Variants in PCGF6 observed in about 807,000 individuals in gnomAD.
PCGF6 encodes polycomb group RING finger protein 6.
PCGF6 carries 24 observed loss-of-function variants against 45.5 expected under a neutral mutation model. The observed-to-expected ratio is 0.53, with a 90% CI of 0.38 to 0.74. The LOEUF (loss-of-function observed/expected upper bound fraction) is 0.74. Among genes scored for constraint, PCGF6 ranks in the 30% least tolerant of loss-of-function variants. The pLI is 0.00. For synonymous variants in PCGF6, 152 were observed against 162.1 expected (o/e 0.94, Z 0.47); for missense variants, 356 against 443.2 (o/e 0.80, Z 1.77).
intron 7 of PCGF6, among the ~76,000 whole-genome samples, chr10:103,329,975 T>G (rs2093234069): frequency 1.4e-5 from 2 of 147,520 alleles, no homozygotes; most frequent in African/African-American, 5.1e-5. Flanking sequence ...AGACGGGTGT[T>G]AGCCAGGATG....
At chr10:103,333,830 C>T (rs1273362136) in intron 7 of PCGF6, 95 bp downstream of exon 7, 6 of 819,050 alleles carry the variant, frequency 7.3e-6, no homozygotes, top group South Asian at 6.1e-5. Context: ...ATTTAAATAA[C>T]TTATTTATAC....
At chr10:103,343,807 T>C (rs1327163076) in intron 6 of PCGF6, among the ~76,000 whole-genome samples, 1 of 98,004 alleles carries the variant, frequency 1.0e-5, no homozygotes. Flanking sequence ...CACTCCAGCC[T>C]GGGCGACAGA....
intron 6 of PCGF6, among the ~76,000 whole-genome samples, chr10:103,343,528 T>G (rs2093288481): frequency 6.6e-6 from 1 of 151,744 alleles, no homozygotes; most frequent in African/African-American, 2.4e-5. Context: ...TATGCTACAG[T>G]GTATGAAAGA....
chr10:103,350,693 G>GGGGCTCTA lies in PCGF6; in HGVS notation c.360+6_360+13dup, dbSNP rs1163552503. 2.0e-6 allele frequency: 3 copies of GGGGCTCTA among 1,470,368 alleles called. No homozygotes were observed. Among genetic ancestry groups the GGGGCTCTA allele is most frequent in the South Asian group, 1.4e-5 (1 of 70,748 alleles). 91.1% of individuals were successfully genotyped at this position (1,470,368 alleles called of 1,614,324 possible). ...CGCTTGGGCCCAGCGGGGTCGCGCGGGGGCTCTAAATACCTCCTCCTCGTC... is the reference window on the plus strand; with the variant it reads ...CGCTTGGGCCCAGCGGGGTCGCGCGGGGGCTCTAGGGCTCTAAATACCTCCTCCTCGTC... On this transcript the variant is annotated intron_variant, in intron 1 of 9. Coordinates refer to ENST00000369847, the MANE Select transcript of PCGF6 (RefSeq NM_001011663.2).
At chr10:103,316,005 T>TAG (rs1294771753) in intron 8 of PCGF6, among the ~76,000 whole-genome samples, 12 of 127,792 alleles carry the variant, frequency 9.4e-5, no homozygotes, top group Non-Finnish European at 2.0e-4. Context: ...TATATATATA[T>TAG]ATATATATAG....
intron 9 of PCGF6, among the ~76,000 whole-genome samples, chr10:103,304,488 G>A (rs561025618): frequency 7.2e-5 from 11 of 152,014 alleles, no homozygotes; most frequent in East Asian, 3.9e-4. Flanking sequence ...TTACACGTGC[G>A]TGCTACCAGG....
chr10:103,310,093 G>A (rs549042844), intron 9 of PCGF6, among the ~76,000 whole-genome samples: 1 of 151,780 alleles, frequency 6.6e-6, no homozygotes, highest in African/African-American at 2.4e-5. Flanking sequence ...TGGGATTACA[G>A]GCACCCGCCA....
At chr10:103,349,540 G>T (rs1478864917) in intron 1 of PCGF6, among the ~76,000 whole-genome samples, 4 of 129,328 alleles carry the variant, frequency 3.1e-5, no homozygotes, top group Non-Finnish European at 6.6e-5. Context: ...GAGTGCAGCG[G>T]CAAGATCTCG....
Position 103,350,813 on chromosome 10 carries a change from T to C in PCGF6, c.254A>G (p.Glu85Gly). 1 of 1,551,798 alleles carries C rather than the reference T, an allele frequency of 6.4e-7. No homozygotes were observed. The highest frequency in any genetic ancestry group is 2.4e-5 in the East Asian group (1 of 41,310). Residue 85 changes from glutamate to glycine, a missense_variant, in exon 1 of 10, where the codon GAA (glutamate) becomes GGA (glycine). This residue lies in a region of PCGF6 where 307 missense variants were observed against 350.1 expected (regional missense o/e 0.88). Coordinates refer to ENST00000369847, the MANE Select transcript of PCGF6 (RefSeq NM_001011663.2). Reference protein sequence around the residue: ...GRFEDEDEELEEEEELEEEEE... With the variant: ...GRFEDEDEELGEEEELEEEEE... The stretch of plus-strand genomic sequence containing the variant: ...TTCCTCCTCCAGCTCCTCTTCTTCT[T>C]CCAACTCCTCGTCCTCGTCCTCGAA...
intron 7 of PCGF6, among the ~76,000 whole-genome samples, chr10:103,333,192 G>C (rs1044675307): frequency 6.6e-6 from 1 of 150,906 alleles, no homozygotes; most frequent in East Asian, 1.9e-4. Context: ...TGAGACACAT[G>C]TATAATATGC....
At chr10:103,322,082 G>A (rs2093199617) in intron 8 of PCGF6, among the ~76,000 whole-genome samples, 1 of 151,968 alleles carries the variant, frequency 6.6e-6, no homozygotes, top group Non-Finnish European at 1.5e-5. Context: ...TTTTACTAGG[G>A]ACAGGGTTAC....
Position 103,345,024 on chromosome 10 carries a change from C to A in PCGF6, c.782G>T (p.Gly261Val). 6.3e-7 allele frequency: 1 copy of A among 1,582,112 alleles called. No homozygotes were observed. The highest frequency in any genetic ancestry group is 8.6e-7 in the Non-Finnish European group (1 of 1,157,484). The change falls in exon 6 of 10, where the codon GGT becomes GTT. Residue 261 changes from glycine (G) to valine (V), a missense_variant and splice_region_variant. Physicochemically the swap from Gly to Val is moderately radical, Grantham distance 109. Coordinates refer to ENST00000369847, the MANE Select transcript of PCGF6 (RefSeq NM_001011663.2). ...LDMSLLLEFI[G>V]ANEGTGHFKP... ...AAAGGTAAATTTTTAGGGTACTCAC[C>A]CAATGAACTCCAGTAATAAAGACAT... is the stretch of plus-strand genomic sequence containing the variant.
At chr10:103,307,724 C>T (rs888803587) in intron 9 of PCGF6, among the ~76,000 whole-genome samples, 18 of 152,210 alleles carry the variant, frequency 1.2e-4, no homozygotes, top group Admixed American at 1.0e-3. Flanking sequence ...CCTCCCGCCT[C>T]GGCCTCCCAG....
chr10:103,347,596 A>G, intron 3 of PCGF6, 146 bp from the exon 4 acceptor site: 1 of 644,744 alleles, frequency 1.6e-6, no homozygotes. Context: ...AGTTCCTAAA[A>G]TATAACTCAC....
chr10:103,308,138 C>T (rs1262046714), intron 9 of PCGF6, among the ~76,000 whole-genome samples: 1 of 152,050 alleles, frequency 6.6e-6, no homozygotes, highest in Non-Finnish European at 1.5e-5. Flanking sequence ...TTGGAGCCCC[C>T]ACATAGGGTC....
intron 6 of PCGF6, among the ~76,000 whole-genome samples, chr10:103,340,229 T>C (rs973822453): frequency 7.1e-6 from 1 of 141,776 alleles, no homozygotes; most frequent in Non-Finnish European, 1.5e-5. Context: ...ATATTTTATA[T>C]ACATACCTTA....
At chr10:103,349,463 T>C (rs1169839119) in intron 1 of PCGF6, among the ~76,000 whole-genome samples, 3 of 149,220 alleles carry the variant, frequency 2.0e-5, no homozygotes, top group Non-Finnish European at 4.4e-5. Flanking sequence ...ATATAAATTA[T>C]TGTTTCTTTC....
chr10:103,313,784 A>G (rs2093165434), intron 9 of PCGF6, among the ~76,000 whole-genome samples: 1 of 152,158 alleles, frequency 6.6e-6, no homozygotes, highest in African/African-American at 2.4e-5. Flanking sequence ...TTCTGGATGC[A>G]TTGGCCTAGA....
At chr10:103,309,228 T>C (rs992867375) in intron 9 of PCGF6, among the ~76,000 whole-genome samples, 1 of 151,684 alleles carries the variant, frequency 6.6e-6, no homozygotes, top group Non-Finnish European at 1.5e-5. Flanking sequence ...TGGAATGATA[T>C]GGTTTGGATC....
Sources: gnomAD v4.1 joint callset for allele counts (sites outside exome capture counted in the v4.1 genomes callset) on GRCh38, gnomAD v4.1.1 for gene constraint, gnomAD v4.1.1 regional missense constraint, MANE v1.5 for transcripts, NCBI Gene and HGNC (gene_info 2026-07-23, HGNC 2026-07-21) for gene names.